Variants in SHB observed in about 807,000 individuals in gnomAD.
The protein encoded by SHB is SH2 domain containing adaptor protein B.
SHB carries 20 observed loss-of-function variants against 52.3 expected under a neutral mutation model. That is an observed-to-expected ratio of 0.38 (90% CI 0.27 to 0.56). The LOEUF (loss-of-function observed/expected upper bound fraction) is 0.56. Among genes scored for constraint, SHB ranks in the 20% least tolerant of loss-of-function variants. The pLI is 0.71. For missense variants in SHB, 825 were observed against 723.3 expected (o/e 1.14, Z -1.61); for synonymous variants, 397 against 316.5 (o/e 1.25, Z -2.70).
chr9:37,981,811 G>A (rs1234743500), intron 2 of SHB, among the ~76,000 whole-genome samples: 2 of 152,140 alleles, frequency 1.3e-5, no homozygotes, highest in Non-Finnish European at 2.9e-5. Flanking sequence ...AAGGAGAGGG[G>A]AAGAGATGAA....
chr9:37,984,546 G>A (rs1207799170), intron 2 of SHB, among the ~76,000 whole-genome samples: 1 of 152,138 alleles, frequency 6.6e-6, no homozygotes, highest in African/African-American at 2.4e-5. Flanking sequence ...CTGGACCAGG[G>A]CTCTCCTGGC....
Position 38,016,074 on chromosome 9 carries a change from T to C in SHB, c.775A>G (p.Lys259Glu). 6.2e-7 allele frequency: 1 copy of C among 1,614,188 alleles called. No homozygotes were observed. The highest frequency in any genetic ancestry group is 1.1e-5 in the South Asian group (1 of 91,090). Reference protein sequence around the residue: ...PFDAKNDLKSKAGKGESAGYM... With the variant: ...PFDAKNDLKSEAGKGESAGYM... The stretch of plus-strand genomic sequence containing the variant: ...CCAGCACTCTCCCCCTTTCCTGCTT[T>C]GCTCTTGAGATCATTCTTGGCATCA... Residue 259 changes from lysine (K) to glutamate (E), a missense_variant, in exon 2 of 6, where the codon AAA becomes GAA. Coordinates refer to ENST00000377707, the MANE Select transcript of SHB (RefSeq NM_003028.3).
rs1274071780 is a variant in SHB at position 38,068,019 on chromosome 9, G to A, written c.627C>T (p.Thr209=). Residue 209 remains threonine, a synonymous_variant, in exon 1 of 6, where the codon ACC becomes ACT. Transcript: ENST00000377707. ...PLGGACAGGR[T]WSPTACGGKK... ...TGCCTCCGCAGGCCGTCGGGCTCCA[G>A]GTGCGGCCGCCCGCGCAGGCGCCCC... 2 of 1,513,736 alleles carry A rather than the reference G, an allele frequency of 1.3e-6. No individual in the cohort carries two copies. The highest frequency in any genetic ancestry group is 1.8e-6 in the Non-Finnish European group (2 of 1,139,346). 93.8% of individuals were successfully genotyped at this position (1,513,736 alleles called of 1,614,324 possible).
At chr9:37,979,661 G>C (rs1376943035) in intron 2 of SHB, among the ~76,000 whole-genome samples, 1 of 151,358 alleles carries the variant, frequency 6.6e-6, no homozygotes, top group East Asian at 1.9e-4. Flanking sequence ...AAAAAAAACA[G>C]GCCCCCCCAC....
Position 37,974,290 on chromosome 9 carries a change from T to C in SHB, c.1054+332A>G, listed in dbSNP as rs1429532451. On this transcript the variant is annotated intron_variant, in intron 3 of 5. Transcript: ENST00000377707. ...ATAAATAAATAAATAAACCAAAAAC[T>C]GAACTCTTGGCTTCAGTGAGCTAGG... Among the ~76,000 whole-genome samples the C allele has an allele frequency of 2.6e-5, 4 of 151,984 alleles. No individual in the cohort carries two copies. The East Asian group carries it at 7.7e-4, about 29-fold the overall frequency.
At chr9:37,922,959 C>A (rs1832201178) in intron 5 of SHB, among the ~76,000 whole-genome samples, 1 of 152,188 alleles carries the variant, frequency 6.6e-6, no homozygotes, top group South Asian at 2.1e-4. Flanking sequence ...CAAGCAGCCT[C>A]ACACCTTCCC....
In SHB at chr9:37,940,239, G is replaced by A. The variant is rs115637226; in HGVS notation, c.1346+8396C>T. 1.8e-3 allele frequency among the ~76,000 whole-genome samples: 281 copies of A among 152,248 alleles called. 1 individual carries two copies. The highest frequency in any genetic ancestry group is 6.5e-3 in the African/African-American group (269 of 41,534). ...GTGCCAGTCTAATGTTGAGGGTGGC[G>A]TCCTTGGCAATGTTTTACCACCAGC... is the stretch of plus-strand genomic sequence containing the variant. On this transcript the variant is annotated intron_variant, in intron 5 of 5. Transcript: ENST00000377707.
At chr9:38,008,157 C>T (rs1483324269) in intron 2 of SHB, among the ~76,000 whole-genome samples, 2 of 152,210 alleles carry the variant, frequency 1.3e-5, no homozygotes, top group Admixed American at 1.3e-4. Context: ...ACTGTCTGCT[C>T]TCCTTGGCCT....
rs1411067216 is a variant in SHB, at chr9:37,935,560, CAG to C, written c.1346+13073_1346+13074del. On this transcript the variant is annotated intron_variant, in intron 5 of 5. Coordinates refer to ENST00000377707, the MANE Select transcript of SHB (RefSeq NM_003028.3). ...CGTAAAGTGAGTTGCTGTGGGGAGT[CAG>C]AGAGAGCTGACTAGGGCTTCAGAGT... Among the ~76,000 whole-genome samples, 6 of 152,090 alleles carry C rather than the reference CAG, an allele frequency of 3.9e-5. No homozygotes were observed. In the South Asian group the frequency reaches 1.0e-3, roughly 26 times the overall value.
At chr9:37,948,242 C>G (rs973213069) in intron 5 of SHB, among the ~76,000 whole-genome samples, 5 of 152,198 alleles carry the variant, frequency 3.3e-5, no homozygotes, top group African/African-American at 1.2e-4. Context: ...GCCACACCCA[C>G]CTCCGTGAAC....
At chr9:38,015,286 G>T in intron 2 of SHB, 1 of 612,618 alleles carries the variant, frequency 1.6e-6, no homozygotes, top group Non-Finnish European at 2.9e-6. Context: ...CCTACAAGAT[G>T]ACTGATGTCT....
In SHB at chr9:37,916,070, C is replaced by T. The variant is rs1288629462; in HGVS notation, c.*3751G>A. The stretch of plus-strand genomic sequence containing the variant: ...AGGGAGGTGGAAAGGCCAAGGGGCA[C>T]CTGTGTTCCAGGACCAAGGGGCTTG... On this transcript the variant is annotated 3_prime_UTR_variant, in exon 6 of 6. Transcript: ENST00000377707. Among the ~76,000 whole-genome samples the T allele has an allele frequency of 1.3e-5, 2 of 150,734 alleles. No homozygotes were observed. The highest frequency in any genetic ancestry group is 2.9e-5 in the Non-Finnish European group (2 of 68,022).
intron 1 of SHB, among the ~76,000 whole-genome samples, chr9:38,056,033 A>C (rs1177946382): frequency 1.3e-5 from 2 of 152,210 alleles, no homozygotes; most frequent in Non-Finnish European, 2.9e-5. Context: ...TAATAAGCGC[A>C]TGGGTATCTG....
chr9:37,950,304 T>C (rs1250501955), intron 4 of SHB, among the ~76,000 whole-genome samples: 1 of 151,980 alleles, frequency 6.6e-6, no homozygotes, highest in Non-Finnish European at 1.5e-5. Flanking sequence ...TTCACTTTAT[T>C]GCCCTGACTG....
chr9:37,955,818 T>C, intron 4 of SHB, 65 bp downstream of exon 4: 2 of 1,497,112 alleles, frequency 1.3e-6, no homozygotes, highest in Non-Finnish European at 1.8e-6. Context: ...GAAGATGACA[T>C]GAAAGAGAGG....
chr9:38,010,788 G>A lies in SHB; in HGVS notation c.838+5223C>T, dbSNP rs188989753. On this transcript the variant is annotated intron_variant, in intron 2 of 5. Transcript: ENST00000377707. ...TTTGGTGTAGTCTCCAACACAGCCC[G>A]GCCTGGAGCCCCTGCAATGACCGAG... Among the ~76,000 whole-genome samples, 8 of 152,302 alleles carry A rather than the reference G, an allele frequency of 5.3e-5. No individual in the cohort carries two copies. The South Asian group carries it at 6.2e-4, about 12-fold the overall frequency.
intron 3 of SHB, among the ~76,000 whole-genome samples, chr9:37,964,349 T>C (rs1004535742): frequency 6.6e-6 from 1 of 152,170 alleles, no homozygotes; most frequent in African/African-American, 2.4e-5. Flanking sequence ...AAACCTGGGA[T>C]GGGGACGGCG....
At chr9:38,000,545 C>T (rs1820998471) in intron 2 of SHB, among the ~76,000 whole-genome samples, 1 of 152,228 alleles carries the variant, frequency 6.6e-6, no homozygotes, top group South Asian at 2.1e-4. Context: ...CTGAGCCTCC[C>T]ATCCTCTGCA....
chr9:38,067,767 G>C lies in SHB; in HGVS notation c.717+162C>G, dbSNP rs530570362. Among the ~76,000 whole-genome samples the C allele has an allele frequency of 4.6e-5, 7 of 152,304 alleles. No individual in the cohort carries two copies. The South Asian group carries it at 1.4e-3, about 32-fold the overall frequency. On this transcript the variant is annotated intron_variant, in intron 1 of 5. Coordinates refer to ENST00000377707, the MANE Select transcript of SHB (RefSeq NM_003028.3). ...CAGGAGGCCGCCGGTCCCAGGAAAA[G>C]GGCGCGGGAGGAGGCAGAAGCGGGA...
Sources: allele counts gnomAD v4.1 joint callset (sites outside exome capture counted in the v4.1 genomes callset), GRCh38; gene constraint gnomAD v4.1.1; transcripts MANE v1.5; gene names NCBI Gene and HGNC (gene_info 2026-07-23, HGNC 2026-07-21).